Variants in FHIT observed in about 807,000 individuals in gnomAD.
FHIT encodes the protein fragile histidine triad diadenosine triphosphatase, also known as bis(5'-adenosyl)-triphosphatase.
Under a neutral mutation model 17.9 loss-of-function variants are expected in FHIT, and 19 were observed. The ratio of observed to expected loss-of-function variants is 1.06; its 90% confidence interval spans 0.74 to 1.56. The LOEUF (loss-of-function observed/expected upper bound fraction) is 1.56, where lower values mean the gene tolerates loss of function less well. Among genes scored for constraint, FHIT ranks in the 40% most tolerant of loss-of-function variants. The pLI, the probability that FHIT is intolerant of heterozygous loss-of-function variation, is 0.00. For missense variants in FHIT, 248 were observed against 189.2 expected (o/e 1.31, Z -1.82); for synonymous variants, 81 against 69.7 (o/e 1.16, Z -0.81).
chr3:61,168,682 C>T (rs1312086724), intron 2 of FHIT, among the ~76,000 whole-genome samples: 2 of 152,212 alleles, frequency 1.3e-5, no homozygotes, highest in African/African-American at 2.4e-5. Context: ...GTTCAAGGCA[C>T]GGTTTCAAGC....
At chr3:60,445,727 T>C (rs932834318) in intron 5 of FHIT, among the ~76,000 whole-genome samples, 2 of 150,886 alleles carry the variant, frequency 1.3e-5, no homozygotes, top group African/African-American at 4.9e-5. Flanking sequence ...TCTTTCTTTG[T>C]AAGAAAGAAT....
chr3:60,579,673 A>G (rs982755045), intron 4 of FHIT, among the ~76,000 whole-genome samples: 1 of 152,172 alleles, frequency 6.6e-6, no homozygotes, highest in African/African-American at 2.4e-5. Context: ...TACATTAGCT[A>G]AACTATTACT....
intron 4 of FHIT, among the ~76,000 whole-genome samples, chr3:60,641,585 T>A (rs571461513): frequency 2.0e-5 from 3 of 152,110 alleles, no homozygotes; most frequent in African/African-American, 7.2e-5. Context: ...CAGGCAGATA[T>A]ATGATGACAA....
At chr3:60,908,275 T>G (rs782769951) in intron 3 of FHIT, among the ~76,000 whole-genome samples, 20 of 152,198 alleles carry the variant, frequency 1.3e-4, no homozygotes, top group Admixed American at 2.0e-4. Context: ...ATGAGTATTA[T>G]CTTTAAAATA....
chr3:59,794,156 A>G (rs1217886453), intron 8 of FHIT, among the ~76,000 whole-genome samples: 1 of 152,210 alleles, frequency 6.6e-6, no homozygotes, highest in Non-Finnish European at 1.5e-5. Flanking sequence ...TTAGAGAAAT[A>G]TCACACGATC....
chr3:59,926,166 C>T (rs186541143), intron 7 of FHIT, among the ~76,000 whole-genome samples: 2 of 152,324 alleles, frequency 1.3e-5, no homozygotes, highest in South Asian at 2.1e-4. Flanking sequence ...TGCTCATTAG[C>T]ACATTAAAGT....
At position 60,801,801 on chromosome 3, in the gene FHIT, C is replaced by T. The variant is rs373789718; in HGVS notation, c.-18+20118G>A. Among the ~76,000 whole-genome samples the T allele has an allele frequency of 4.7e-4, 71 of 152,226 alleles. 3 individuals are homozygous for T. In the South Asian group the frequency reaches 0.013, roughly 28 times the overall value. On this transcript the variant is annotated intron_variant, in intron 4 of 9. Coordinates refer to ENST00000492590, the MANE Select transcript of FHIT (RefSeq NM_002012.4). ...TGTTGTCTCTCATGAAAGCCTGATA[C>T]GGTAGGCTCTATATACATACTGGTG...
At chr3:60,204,466 T>G (rs375282262) in intron 5 of FHIT, among the ~76,000 whole-genome samples, 1 of 151,540 alleles carries the variant, frequency 6.6e-6, no homozygotes, top group African/African-American at 2.4e-5. Flanking sequence ...TTGTTTTGTT[T>G]TTTTAGTAGA....
intron 5 of FHIT, among the ~76,000 whole-genome samples, chr3:60,315,397 T>C (rs1480457316): frequency 6.6e-6 from 1 of 152,166 alleles, no homozygotes; most frequent in Non-Finnish European, 1.5e-5. Context: ...AAGACATGTT[T>C]CCAGAAGCCT....
chr3:60,209,035 T>G (rs1703327873), intron 5 of FHIT, among the ~76,000 whole-genome samples: 1 of 152,242 alleles, frequency 6.6e-6, no homozygotes, highest in Non-Finnish European at 1.5e-5. Flanking sequence ...TAAAGAATAT[T>G]TATCAAATAT....
At chr3:61,184,525 T>C (rs2038445234) in intron 2 of FHIT, among the ~76,000 whole-genome samples, 1 of 152,020 alleles carries the variant, frequency 6.6e-6, no homozygotes, top group Non-Finnish European at 1.5e-5. Context: ...CCAGAACAGC[T>C]TCTGCGGATG....
chr3:60,870,262 GAA>G (rs5849398), intron 3 of FHIT, among the ~76,000 whole-genome samples: 148,407 of 151,758 alleles, frequency 0.98, 72,642 homozygotes, highest in East Asian at 1. Context: ...AACACACAAA[GAA>G]AAAAAAAAAC....
At chr3:60,364,069 CA>C (rs1700013171) in intron 5 of FHIT, among the ~76,000 whole-genome samples, 1 of 152,188 alleles carries the variant, frequency 6.6e-6, no homozygotes, top group Non-Finnish European at 1.5e-5. Flanking sequence ...ACCCAGCCCA[CA>C]ACTTTGTAAA....
intron 5 of FHIT, among the ~76,000 whole-genome samples, chr3:60,341,653 T>A (rs1443322141): frequency 6.6e-6 from 1 of 152,184 alleles, no homozygotes; most frequent in Admixed American, 6.6e-5. Context: ...TCTGAGAAGA[T>A]GCCTCTATGT....
chr3:60,884,507 T>C (rs1473995604), intron 3 of FHIT, among the ~76,000 whole-genome samples: 15 of 152,272 alleles, frequency 9.9e-5, no homozygotes, highest in African/African-American at 3.6e-4. Flanking sequence ...AAATGTGGTA[T>C]ATACACACAA....
Position 59,937,900 on chromosome 3 carries a change from T to C in FHIT, c.280-15486A>G, listed in dbSNP as rs116986877. 1.5e-4 allele frequency among the ~76,000 whole-genome samples: 23 copies of C among 152,306 alleles called. No homozygotes were observed. The East Asian group carries it at 4.4e-3, about 29-fold the overall frequency. ...TAAGCAGAATCATCTTTTTAAGGGT[T>C]ACATTTTCCTTCTAACTCAAGTGAG... On this transcript the variant is annotated intron_variant, in intron 7 of 9. Transcript: ENST00000492590.
chr3:60,268,159 C>CT (rs1387113192), intron 5 of FHIT, among the ~76,000 whole-genome samples: 3 of 152,184 alleles, frequency 2.0e-5, no homozygotes, highest in Non-Finnish European at 1.5e-5. Context: ...CGTTAACACC[C>CT]TACTGCTTCA....
intron 5 of FHIT, among the ~76,000 whole-genome samples, chr3:60,254,426 A>C (rs1399385635): frequency 6.6e-6 from 1 of 152,188 alleles, no homozygotes; most frequent in South Asian, 2.1e-4. Flanking sequence ...TAGAGATACT[A>C]TATCAAACGC....
At chr3:60,885,119 T>C (rs1454273644) in intron 3 of FHIT, among the ~76,000 whole-genome samples, 2 of 152,084 alleles carry the variant, frequency 1.3e-5, no homozygotes, top group Non-Finnish European at 2.9e-5. Context: ...GAATAAGTTC[T>C]AGTGTTTGAT....
Sources: gnomAD v4.1 joint callset for allele counts (sites outside exome capture counted in the v4.1 genomes callset) on GRCh38, gnomAD v4.1.1 for gene constraint, MANE v1.5 for transcripts, NCBI Gene and HGNC (gene_info 2026-07-23, HGNC 2026-07-21) for gene names.